The following NAV2 variants were observed in gnomAD, a reference collection of about 807,000 sequenced individuals.
NAV2 encodes neuron navigator 2.
Under a neutral mutation model 223.2 loss-of-function variants are expected in NAV2, and 54 were observed. That is an observed-to-expected ratio of 0.24 (90% CI 0.19 to 0.30). The LOEUF is 0.30. NAV2 is among the 10% of genes least tolerant of loss of function. NAV2 has a pLI of 1.00. For missense variants in NAV2, 2,806 were observed against 3,147.5 expected (o/e 0.89, Z 2.60); for synonymous variants, 1,279 against 1,239.3 (o/e 1.03, Z -0.67).
At chr11:19,619,127 A>G (rs182837095) in intron 1 of NAV2, among the ~76,000 whole-genome samples, 2,020 of 150,786 alleles carry the variant, frequency 0.013, 48 homozygotes, top group African/African-American at 0.047. Context: ...CATGGTATAT[A>G]TGTGCCACAT....
At chr11:19,881,609 AT>A (rs1184149899) in intron 5 of NAV2, among the ~76,000 whole-genome samples, 1 of 152,174 alleles carries the variant, frequency 6.6e-6, no homozygotes, top group East Asian at 1.9e-4. Context: ...GCATTTGTTT[AT>A]TTAATTGGTA....
At position 20,068,182 on chromosome 11, in the gene NAV2, A is replaced by C; in HGVS notation, c.4885-4A>C. On this transcript the variant is annotated splice_polypyrimidine_tract_variant and splice_region_variant and intron_variant, in intron 20 of 37. Coordinates refer to ENST00000349880, the MANE Select transcript of NAV2 (RefSeq NM_145117.5). ...GTCTAATTTCCTTTATGTTTTCTTT[A>C]CAGCCAGAAGAAAAATGCCAGTCAG... 6.2e-7 allele frequency: 1 copy of C among 1,613,844 alleles called. No individual in the cohort carries two copies. Among genetic ancestry groups the C allele is most frequent in the Non-Finnish European group, 8.5e-7 (1 of 1,179,736 alleles).
chr11:19,411,208 G>A (rs1274657172), intron 1 of NAV2, among the ~76,000 whole-genome samples: 3 of 152,116 alleles, frequency 2.0e-5, no homozygotes, highest in Admixed American at 6.5e-5. Flanking sequence ...CTGCTGCTCT[G>A]GGGACTACCA....
At chr11:19,742,152 T>A (rs10741796) in intron 1 of NAV2, among the ~76,000 whole-genome samples, 148,824 of 152,150 alleles carry the variant, frequency 0.98, 72,875 homozygotes, top group East Asian at 1. Flanking sequence ...TCACCCCTCC[T>A]GAGCCCCTTA....
intron 1 of NAV2, among the ~76,000 whole-genome samples, chr11:19,601,604 T>C (rs774808246): frequency 7.9e-5 from 12 of 152,176 alleles, no homozygotes; most frequent in East Asian, 1.9e-4. Context: ...CAGAACAAGA[T>C]TGATTCTTGG....
intron 1 of NAV2, among the ~76,000 whole-genome samples, chr11:19,563,118 C>T (rs532095647): frequency 6.6e-6 from 1 of 152,282 alleles, no homozygotes; most frequent in East Asian, 1.9e-4. Flanking sequence ...AAAAGAAATA[C>T]AAAAGTTTGG....
chr11:20,087,089 G>A (rs2060494675), intron 26 of NAV2, among the ~76,000 whole-genome samples: 1 of 152,204 alleles, frequency 6.6e-6, no homozygotes, highest in Non-Finnish European at 1.5e-5. Flanking sequence ...AGTTCAGAAA[G>A]AGGGAGTTAC....
intron 1 of NAV2, among the ~76,000 whole-genome samples, chr11:19,600,336 G>C (rs1311189094): frequency 6.6e-6 from 1 of 152,228 alleles, no homozygotes; most frequent in Non-Finnish European, 1.5e-5. Context: ...CATGCCTACT[G>C]TCTGTGAATG....
chr11:19,373,161 C>T (rs745691066), intron 1 of NAV2, among the ~76,000 whole-genome samples: 9 of 152,166 alleles, frequency 5.9e-5, no homozygotes, highest in South Asian at 2.1e-4. Context: ...ATGTTAAGTG[C>T]CCTGGGGCTC....
At chr11:19,419,078 G>A (rs986382804) in intron 1 of NAV2, among the ~76,000 whole-genome samples, 2 of 152,146 alleles carry the variant, frequency 1.3e-5, no homozygotes, top group East Asian at 1.9e-4. Flanking sequence ...TTGAGTCTGG[G>A]AGCTGAGCCC....
chr11:19,782,771 A>G (rs2056840702), intron 1 of NAV2, among the ~76,000 whole-genome samples: 1 of 152,206 alleles, frequency 6.6e-6, no homozygotes, highest in African/African-American at 2.4e-5. Context: ...AGGGAGGTGG[A>G]AAGGCAGTGG....
chr11:20,062,897 A>T (rs1386899482), intron 20 of NAV2, among the ~76,000 whole-genome samples: 6 of 151,996 alleles, frequency 3.9e-5, no homozygotes, highest in Admixed American at 2.6e-4. Context: ...GTTTCACCAT[A>T]TTGGCCAGGC....
chr11:19,986,367 CT>C (rs1253890883), intron 11 of NAV2, among the ~76,000 whole-genome samples: 3 of 152,208 alleles, frequency 2.0e-5, no homozygotes, highest in Non-Finnish European at 4.4e-5. Context: ...CGCCTGTAAT[CT>C]CAGCACTTTG....
intron 1 of NAV2, among the ~76,000 whole-genome samples, chr11:19,472,989 A>G (rs2042009419): frequency 6.6e-6 from 1 of 152,174 alleles, no homozygotes; most frequent in African/African-American, 2.4e-5. Flanking sequence ...TCCAGATGAG[A>G]AGACAGAGGA....
At chr11:19,708,721 C>T (rs931192290), upstream of NAV2, among the ~76,000 whole-genome samples, 1 of 152,124 alleles carries the variant, frequency 6.6e-6, no homozygotes, top group Non-Finnish European at 1.5e-5. Flanking sequence ...TATCCAGTCT[C>T]TTAGGATGAT....
intron 1 of NAV2, among the ~76,000 whole-genome samples, chr11:19,451,745 G>T (rs1851796530): frequency 6.6e-6 from 1 of 152,194 alleles, no homozygotes; most frequent in Admixed American, 6.5e-5. Flanking sequence ...AGGAAAGAAG[G>T]GAAGAGGGAG....
intron 1 of NAV2, among the ~76,000 whole-genome samples, chr11:19,393,557 A>G (rs921434993): frequency 6.6e-6 from 1 of 152,268 alleles, no homozygotes; most frequent in African/African-American, 2.4e-5. Flanking sequence ...TATGTGTGAC[A>G]ATAAAATATA....
chr11:19,612,565 A>G (rs1167412812), intron 1 of NAV2, among the ~76,000 whole-genome samples: 1 of 152,198 alleles, frequency 6.6e-6, no homozygotes, highest in African/African-American at 2.4e-5. Context: ...TCAAAGTTCC[A>G]CGAATCTCTA....
At position 20,043,888 on chromosome 11, in the gene NAV2, CT is replaced by C. The variant is rs2153582974; in HGVS notation, c.2908-92del. ...AAAGTAATGCTTATTTTTCCCTTAA[CT>C]ACTCCAGTGTTTTGGCATTTTTGCC... On this transcript the variant is annotated intron_variant, in intron 12 of 37. Coordinates refer to ENST00000349880, the MANE Select transcript of NAV2 (RefSeq NM_145117.5). 19 of 1,122,808 alleles carry C rather than the reference CT, an allele frequency of 1.7e-5. No homozygotes were observed. In the South Asian group the frequency reaches 2.7e-4, roughly 16 times the overall value. The allele number at this position is 1,122,808 out of a possible 1,614,324, so 69.6% of individuals were successfully genotyped here. A position where few individuals can be genotyped will look rare whatever the true frequency, so the allele number is the denominator to read the frequency against.
Sources: gnomAD v4.1 joint callset for allele counts (sites outside exome capture counted in the v4.1 genomes callset) on GRCh38, gnomAD v4.1.1 for gene constraint, MANE v1.5 for transcripts, NCBI Gene and HGNC (gene_info 2026-07-23, HGNC 2026-07-21) for gene names.